LRP1B: variants seen among roughly 807,000 people sequenced by gnomAD.
LRP1B encodes LDL receptor related protein 1B.
LRP1B carries 217 observed loss-of-function variants against 556.6 expected under a neutral mutation model. That is an observed-to-expected ratio of 0.39 (90% confidence interval 0.35 to 0.44). LRP1B has a LOEUF of 0.44. LRP1B is among the 20% of genes least tolerant of loss of function. LRP1B has a pLI of 1.00. For synonymous variants in LRP1B, 2,047 were observed against 1,865.8 expected (o/e 1.10, Z -2.50); for missense variants, 5,053 against 5,620.8 (o/e 0.90, Z 3.23).
At chr2:141,328,504 A>G (rs977490875) in intron 3 of LRP1B, among the ~76,000 whole-genome samples, 3 of 152,206 alleles carry the variant, frequency 2.0e-5, no homozygotes, top group Admixed American at 2.0e-4. Flanking sequence ...TTAGGTTCCT[A>G]TAGTCTGTGC....
chr2:141,588,245 C>CTT lies in LRP1B; in HGVS notation c.206-107714_206-107713dup, dbSNP rs34534099. Among the ~76,000 whole-genome samples, 42 of 148,748 alleles carry CTT rather than the reference C, an allele frequency of 2.8e-4. No individual in the cohort carries two copies. The South Asian group carries it at 3.4e-3, about 12-fold the overall frequency. On this transcript the variant is annotated intron_variant, in intron 2 of 90. Transcript: ENST00000389484. ...TTAATCCCCAACTTAGGACTGGCAGCTTTTTTTTTTATCATAAGAGTGTGT... is the reference window on the plus strand; with the variant it reads ...TTAATCCCCAACTTAGGACTGGCAGCTTTTTTTTTTTTATCATAAGAGTGTGT...
chr2:141,867,494 T>G (rs1698449776), intron 1 of LRP1B, among the ~76,000 whole-genome samples: 1 of 152,166 alleles, frequency 6.6e-6, no homozygotes, highest in Non-Finnish European at 1.5e-5. Flanking sequence ...TCAGAAGCAC[T>G]CTTTGAGATC....
chr2:141,456,837 T>A (rs990838308), intron 3 of LRP1B, among the ~76,000 whole-genome samples: 1 of 152,186 alleles, frequency 6.6e-6, no homozygotes, highest in African/African-American at 2.4e-5. Flanking sequence ...CCAGGAAGTC[T>A]TGATTCAGCT....
chr2:141,070,267 C>T (rs1413103834), intron 7 of LRP1B, among the ~76,000 whole-genome samples: 5 of 150,606 alleles, frequency 3.3e-5, no homozygotes, highest in African/African-American at 4.9e-5. Context: ...GGGTACATAA[C>T]GAAATGAAGG....
At chr2:140,491,928 A>G (rs551010382) in intron 57 of LRP1B, among the ~76,000 whole-genome samples, 1 of 152,278 alleles carries the variant, frequency 6.6e-6, no homozygotes, top group African/African-American at 2.4e-5. Flanking sequence ...AAGCACAAGG[A>G]AAGTCTGAAA....
chr2:140,672,129 T>C (rs1456090058), intron 41 of LRP1B, among the ~76,000 whole-genome samples: 1 of 152,136 alleles, frequency 6.6e-6, no homozygotes, highest in African/African-American at 2.4e-5. Context: ...AAATACAATG[T>C]GGGACAAGTA....
intron 18 of LRP1B, among the ~76,000 whole-genome samples, chr2:140,954,211 C>T (rs1387014415): frequency 2.6e-5 from 4 of 152,034 alleles, no homozygotes; most frequent in South Asian, 2.1e-4. Context: ...GAACGTTGTC[C>T]GAAATATGCT....
intron 2 of LRP1B, among the ~76,000 whole-genome samples, chr2:141,789,147 C>T (rs1460749213): frequency 1.3e-5 from 2 of 151,940 alleles, no homozygotes; most frequent in African/African-American, 4.8e-5. Context: ...TACAGTCCCA[C>T]CAACAGTGTA....
chr2:141,221,288 TAA>T (rs3063857), intron 6 of LRP1B, among the ~76,000 whole-genome samples: 13,035 of 130,948 alleles, frequency 0.1, 608 homozygotes, highest in East Asian at 0.17. Flanking sequence ...CCAACAAAGA[TAA>T]AAAAAAAAAA....
At chr2:140,388,055 GC>G (rs1683841674) in intron 66 of LRP1B, among the ~76,000 whole-genome samples, 1 of 151,484 alleles carries the variant, frequency 6.6e-6, no homozygotes, top group Non-Finnish European at 1.5e-5. Context: ...TCCTGCCTCA[GC>G]CTCCCGAGTA....
chr2:140,814,582 T>C (rs1283165355), intron 31 of LRP1B, among the ~76,000 whole-genome samples: 1 of 152,236 alleles, frequency 6.6e-6, no homozygotes, highest in Admixed American at 6.5e-5. Flanking sequence ...ATGAAATTTA[T>C]AATTACTCAT....
intron 7 of LRP1B, among the ~76,000 whole-genome samples, chr2:141,133,305 C>T (rs2380966): frequency 0.68 from 88,518 of 129,658 alleles, 27,981 homozygotes; most frequent in African/African-American, 0.79. Context: ...TTTTTTTTTT[C>T]CACAATACTG....
intron 32 of LRP1B, among the ~76,000 whole-genome samples, chr2:140,793,683 A>T (rs1690200597): frequency 6.6e-6 from 1 of 152,064 alleles, no homozygotes; most frequent in Admixed American, 6.6e-5. Context: ...ACTTAAAAAT[A>T]AAAACATGTA....
intron 7 of LRP1B, among the ~76,000 whole-genome samples, chr2:141,117,966 G>A (rs1700947866): frequency 6.6e-6 from 1 of 151,814 alleles, no homozygotes; most frequent in Non-Finnish European, 1.5e-5. Context: ...TGTCTTCCTT[G>A]CTCCAATAAG....
intron 3 of LRP1B, among the ~76,000 whole-genome samples, chr2:141,457,901 C>T (rs1323517414): frequency 6.6e-6 from 1 of 152,102 alleles, no homozygotes; most frequent in Non-Finnish European, 1.5e-5. Context: ...GCAGAATTTG[C>T]AGGTGGCAAT....
At chr2:141,387,064 C>A (rs1689858140) in intron 3 of LRP1B, among the ~76,000 whole-genome samples, 1 of 151,802 alleles carries the variant, frequency 6.6e-6, no homozygotes, top group Admixed American at 6.6e-5. Flanking sequence ...AGAAAACTGC[C>A]AAATATGTAG....
chr2:141,062,956 T>C (rs1004216470), intron 7 of LRP1B, among the ~76,000 whole-genome samples: 2 of 151,896 alleles, frequency 1.3e-5, no homozygotes, highest in Non-Finnish European at 2.9e-5. Context: ...TGTTGACCTC[T>C]GAGACAACAA....
chr2:141,788,782 T>G (rs539885545), intron 2 of LRP1B, among the ~76,000 whole-genome samples: 1 of 144,204 alleles, frequency 6.9e-6, no homozygotes, highest in African/African-American at 2.5e-5. Context: ...AGCGAGAACA[T>G]GCGGTGTTTG....
At chr2:141,511,114 T>C (rs1684115510) in intron 2 of LRP1B, among the ~76,000 whole-genome samples, 1 of 152,108 alleles carries the variant, frequency 6.6e-6, no homozygotes, top group Admixed American at 6.6e-5. Flanking sequence ...CTACACAGCA[T>C]AGAGCTGTCG....
Sources: allele counts gnomAD v4.1 joint callset (sites outside exome capture counted in the v4.1 genomes callset), GRCh38; gene constraint gnomAD v4.1.1; transcripts MANE v1.5; gene names NCBI Gene and HGNC (gene_info 2026-07-23, HGNC 2026-07-21).